The following CACNG7 variants were observed in gnomAD, a reference collection of about 807,000 sequenced individuals.
The protein encoded by CACNG7 is calcium voltage-gated channel auxiliary subunit gamma 7.
In CACNG7, 9 loss-of-function variants were observed where a neutral mutation model predicts 26.3. The observed-to-expected ratio is 0.34, with a 90% confidence interval of 0.21 to 0.60. CACNG7 has a LOEUF of 0.60. Ranked by LOEUF, CACNG7 falls within the 20% of genes least tolerant of loss-of-function variation. The probability of loss-of-function intolerance (pLI) is 0.81; values close to 1 mark genes in which losing one functional copy is unlikely to be tolerated. For missense variants in CACNG7, 297 were observed against 380.4 expected (o/e 0.78, Z 1.82); for synonymous variants, 170 against 157.0 (o/e 1.08, Z -0.62).
Position 53,921,876 on chromosome 19 carries a change from T to C in CACNG7, c.424+6371T>C, listed in dbSNP as rs376642166. 1.1e-4 allele frequency among the ~76,000 whole-genome samples: 9 copies of C among 83,628 alleles called. 1 individual carries two copies. The highest frequency in any genetic ancestry group is 2.1e-4 in the Admixed American group (2 of 9,500). 54.9% of individuals were successfully genotyped at this position (83,628 alleles called of 152,430 possible). ...CCCAGGCTGGTCATTGGTGGAGTTG[T>C]CCCAGGCTGGTCATTGGTGGAGTTG... On this transcript the variant is annotated intron_variant, in intron 4 of 5. Coordinates refer to ENST00000391767, the MANE Select transcript of CACNG7 (RefSeq NM_031896.5).
At chr19:53,938,711 A>G (rs1227645123) in intron 4 of CACNG7, among the ~76,000 whole-genome samples, 1 of 151,690 alleles carries the variant, frequency 6.6e-6, no homozygotes, top group Non-Finnish European at 1.5e-5. Flanking sequence ...ACTCTGGGAG[A>G]TGAGGTGTGC....
chr19:53,911,264 C>T (rs2068860648), intron 1 of CACNG7, among the ~76,000 whole-genome samples: 1 of 152,016 alleles, frequency 6.6e-6, no homozygotes, highest in Non-Finnish European at 1.5e-5. Flanking sequence ...CAAGGTTTCA[C>T]CATGTTGGCC....
chr19:53,942,535 C>A lies in CACNG7; in HGVS notation c.*242C>A, dbSNP rs1387468812. ...TCCCTCTCACTCCCAAATGACTCCTCCCCTTCGTTGGCCCGCCCCTTTCCT... is the reference window on the plus strand; with the variant it reads ...TCCCTCTCACTCCCAAATGACTCCTACCCTTCGTTGGCCCGCCCCTTTCCT... On this transcript the variant is annotated 3_prime_UTR_variant, in exon 6 of 6. Coordinates refer to ENST00000391767, the MANE Select transcript of CACNG7 (RefSeq NM_031896.5). The surrounding 1 kb of genome is among the most constrained non-coding windows in gnomAD (Gnocchi z 5.9). 5.8e-6 allele frequency: 8 copies of A among 1,388,924 alleles called. No individual in the cohort carries two copies. The highest frequency in any genetic ancestry group is 1.5e-5 in the African/African-American group (1 of 68,674). 86.0% of individuals were successfully genotyped at this position (1,388,924 alleles called of 1,614,324 possible). A position where few individuals can be genotyped will look rare whatever the true frequency, so the allele number is the denominator to read the frequency against.
chr19:53,920,011 GT>G (rs67984296), intron 4 of CACNG7, among the ~76,000 whole-genome samples: 2 of 125,708 alleles, frequency 1.6e-5, no homozygotes, highest in East Asian at 2.4e-4. Context: ...GTTGCCCCAG[GT>G]CTGGTCATTG....
chr19:53,918,469 A>G (rs1168592356), intron 4 of CACNG7, among the ~76,000 whole-genome samples: 2 of 151,400 alleles, frequency 1.3e-5, no homozygotes, highest in East Asian at 1.9e-4. Context: ...TCTTCTTTTG[A>G]TTTTTTTTTA....
Position 53,942,649 on chromosome 19 carries a change from G to A in CACNG7, c.*356G>A. The A allele has an allele frequency of 1.0e-6, 1 of 966,626 alleles. No individual in the cohort carries two copies. Among genetic ancestry groups the A allele is most frequent in the Non-Finnish European group, 1.3e-6 (1 of 771,812 alleles). The allele number at this position is 966,626 out of a possible 1,614,324, so 59.9% of individuals were successfully genotyped here. A position where few individuals can be genotyped will look rare whatever the true frequency, so the allele number is the denominator to read the frequency against. ...CAGCCAGAGGCGGTGCAAGCGCCCA[G>A]CTCCCCAGAGCTCCCCAACCTCGGA... On this transcript the variant is annotated 3_prime_UTR_variant, in exon 6 of 6. Coordinates refer to ENST00000391767, the MANE Select transcript of CACNG7 (RefSeq NM_031896.5). This position sits in a 1 kb window ranked among gnomAD's most constrained non-coding sequence, Gnocchi z 5.9.
chr19:53,914,452 G>C, intron 2 of CACNG7, 48 bp from the exon 3 acceptor site: 14 of 1,558,720 alleles, frequency 9.0e-6, no homozygotes, highest in Non-Finnish European at 1.2e-5. Context: ...AGCCTCTCTA[G>C]AGCTTAGGAG....
At chr19:53,926,162 A>G (rs942893435) in intron 4 of CACNG7, among the ~76,000 whole-genome samples, 2 of 152,172 alleles carry the variant, frequency 1.3e-5, no homozygotes, top group Non-Finnish European at 2.9e-5. Flanking sequence ...AGCTTTTCAC[A>G]CTTTTTCTTA....
chr19:53,918,641 G>T (rs1288879422), intron 4 of CACNG7, among the ~76,000 whole-genome samples: 1 of 152,188 alleles, frequency 6.6e-6, no homozygotes, highest in Non-Finnish European at 1.5e-5. Flanking sequence ...AACACTTGTT[G>T]TTTTAAGTAA....
At position 53,942,849 on chromosome 19, in the gene CACNG7, G is replaced by A. The variant is rs1258573299; in HGVS notation, c.*556G>A. 1 of 153,648 alleles carries A rather than the reference G, an allele frequency of 6.5e-6. No individual in the cohort carries two copies. The allele number at this position is 153,648 out of a possible 1,614,324, so 9.5% of individuals were successfully genotyped here. ...CGGCTTGCTCCACCCGCAGCCCCGGGGTGGCGTAGGGAAGGGGGCTGGAAG... is the reference window on the plus strand; with the variant it reads ...CGGCTTGCTCCACCCGCAGCCCCGGAGTGGCGTAGGGAAGGGGGCTGGAAG... On this transcript the variant is annotated 3_prime_UTR_variant, in exon 6 of 6. Coordinates refer to ENST00000391767, the MANE Select transcript of CACNG7 (RefSeq NM_031896.5). The surrounding 1 kb of genome is among the most constrained non-coding windows in gnomAD (Gnocchi z 5.9).
At chr19:53,920,946 G>GT (rs576443399) in intron 4 of CACNG7, among the ~76,000 whole-genome samples, 7 of 101,936 alleles carry the variant, frequency 6.9e-5, no homozygotes, top group East Asian at 2.9e-4. Context: ...CTTGCCCCAG[G>GT]CTGGTCATTG....
At chr19:53,927,742 G>T (rs2069041682) in intron 4 of CACNG7, among the ~76,000 whole-genome samples, 1 of 151,804 alleles carries the variant, frequency 6.6e-6, no homozygotes, top group African/African-American at 2.4e-5. Flanking sequence ...GGAGGCTGAG[G>T]CAGGAGAATC....
intron 4 of CACNG7, among the ~76,000 whole-genome samples, chr19:53,920,324 C>T (rs1391464599): frequency 1.5e-4 from 16 of 107,462 alleles, no homozygotes; most frequent in African/African-American, 2.4e-4. Flanking sequence ...GGTGGAGTTG[C>T]CCCAGGTCTG....
At position 53,940,483 on chromosome 19, in the gene CACNG7, A is replaced by T. The variant is rs2069130685; in HGVS notation, c.425-987A>T. On this transcript the variant is annotated intron_variant, in intron 4 of 5. Coordinates refer to ENST00000391767, the MANE Select transcript of CACNG7 (RefSeq NM_031896.5). This position sits in a 1 kb window ranked among gnomAD's most constrained non-coding sequence, Gnocchi z 4.1. ...TCCCTCCAGTCTGTTCCCAGCATCA[A>T]CCAGCCCCCAAAGTTTCTTCTAACA... 6.6e-6 allele frequency among the ~76,000 whole-genome samples: 1 copy of T among 151,952 alleles called. No individual in the cohort carries two copies. The highest frequency in any genetic ancestry group is 6.6e-5 in the Admixed American group (1 of 15,226).
At position 53,942,583 on chromosome 19, in the gene CACNG7, A is replaced by G. The variant is rs1342095431; in HGVS notation, c.*290A>G. ...CCTCTGGCCCCTCCTCTCCAAGAAAATTAGCTCCTCCCTCGTTCTCCACCT... is the reference window on the plus strand; with the variant it reads ...CCTCTGGCCCCTCCTCTCCAAGAAAGTTAGCTCCTCCCTCGTTCTCCACCT... On this transcript the variant is annotated 3_prime_UTR_variant, in exon 6 of 6. Transcript: ENST00000391767. This position sits in a 1 kb window ranked among gnomAD's most constrained non-coding sequence, Gnocchi z 5.9. 1 of 1,307,048 alleles carries G rather than the reference A, an allele frequency of 7.7e-7. No homozygotes were observed. The allele number at this position is 1,307,048 out of a possible 1,614,324, so 81.0% of individuals were successfully genotyped here.
At chr19:53,916,795 T>A in intron 4 of CACNG7, among the ~76,000 whole-genome samples, 1 of 148,186 alleles carries the variant, frequency 6.7e-6, no homozygotes, top group Non-Finnish European at 1.5e-5. Context: ...CCCCTGCGCC[T>A]GGCTTTTTTT....
At chr19:53,921,243 TC>T (rs1469883265) in intron 4 of CACNG7, among the ~76,000 whole-genome samples, 1 of 107,064 alleles carries the variant, frequency 9.3e-6, no homozygotes, top group Non-Finnish European at 1.8e-5. Flanking sequence ...CCAGGTCTGG[TC>T]ATTGGTGGAG....
At chr19:53,926,640 C>T (rs148330305) in intron 4 of CACNG7, among the ~76,000 whole-genome samples, 1,636 of 152,244 alleles carry the variant, frequency 0.011, 8 homozygotes, top group Non-Finnish European at 0.018. Flanking sequence ...AGGCCAGGTG[C>T]GGTGGCTCAT....
In CACNG7 at chr19:53,943,931, T is replaced by C. The variant is rs1022654333; in HGVS notation, c.*1638T>C. The C allele has an allele frequency of 1.3e-5, 2 of 152,160 alleles. No homozygotes were observed. The highest frequency in any genetic ancestry group is 4.8e-5 in the African/African-American group (2 of 41,434). 9.4% of individuals were successfully genotyped at this position (152,160 alleles called of 1,614,324 possible). A position where few individuals can be genotyped will look rare whatever the true frequency, so the allele number is the denominator to read the frequency against. ...ATACTGGTCAGGATCAATAAACGCTTTCTCCTGGTATTATTATGACCACGT... is the reference window on the plus strand; with the variant it reads ...ATACTGGTCAGGATCAATAAACGCTCTCTCCTGGTATTATTATGACCACGT... On this transcript the variant is annotated 3_prime_UTR_variant, in exon 6 of 6. Transcript: ENST00000391767.
Sources: allele counts gnomAD v4.1 joint callset (sites outside exome capture counted in the v4.1 genomes callset), GRCh38; gene constraint gnomAD v4.1.1; non-coding constraint Gnocchi (gnomAD v3.1); transcripts MANE v1.5; gene names NCBI Gene and HGNC (gene_info 2026-07-23, HGNC 2026-07-21).